Variants in CA10 observed in about 807,000 individuals in gnomAD.
CA10 encodes carbonic anhydrase 10 (inactive).
In CA10, 14 loss-of-function variants were observed where a neutral mutation model predicts 44.2. That is an observed-to-expected ratio of 0.32 (90% confidence interval 0.21 to 0.50). The LOEUF (loss-of-function observed/expected upper bound fraction) is 0.50. Among genes scored for constraint, CA10 ranks in the 20% least tolerant of loss-of-function variants. The pLI, the probability that CA10 is intolerant of heterozygous loss-of-function variation, is 0.99. For missense variants in CA10, 350 were observed against 409.7 expected, an observed-to-expected ratio of 0.85 and a Z score of 1.26; for synonymous variants, 159 against 141.6, an observed-to-expected ratio of 1.12 and a Z score of -0.87.
chr17:52,145,017 G>A (rs960143483), intron 1 of CA10, among the ~76,000 whole-genome samples: 1 of 152,112 alleles, frequency 6.6e-6, no homozygotes, highest in Non-Finnish European at 1.5e-5. Context: ...AGTAAGATAA[G>A]GTATAACGTA....
intron 1 of CA10, among the ~76,000 whole-genome samples, chr17:52,113,337 T>C (rs1988826075): frequency 6.6e-6 from 1 of 152,192 alleles, no homozygotes; most frequent in Non-Finnish European, 1.5e-5. Flanking sequence ...TCTCTCTCTT[T>C]CACTTCCTTT....
At chr17:51,883,154 A>G (rs182282970) in intron 3 of CA10, among the ~76,000 whole-genome samples, 1 of 152,272 alleles carries the variant, frequency 6.6e-6, no homozygotes, top group East Asian at 1.9e-4. Flanking sequence ...CTGTGGTTTG[A>G]TTTTATTTTG....
chr17:51,671,038 C>T (rs1477724534), intron 4 of CA10, among the ~76,000 whole-genome samples: 6 of 152,140 alleles, frequency 3.9e-5, no homozygotes, highest in Admixed American at 3.9e-4. Flanking sequence ...CCCTTGCACT[C>T]CTATAGTTAG....
Position 51,861,100 on chromosome 17 carries a change from G to A in CA10, c.279+69890C>T, listed in dbSNP as rs148309650. On this transcript the variant is annotated intron_variant, in intron 3 of 8. Transcript: ENST00000451037. ...CTGGGACTAAGGACTAGCAACCTGC[G>A]TTTCTGCTTTGCCAGCTGATCCTTG... 3.4e-3 allele frequency among the ~76,000 whole-genome samples: 521 copies of A among 152,252 alleles called. 3 individuals are homozygous for A. Among genetic ancestry groups the A allele is most frequent in the Middle Eastern group, 0.01 (3 of 294 alleles).
intron 2 of CA10, among the ~76,000 whole-genome samples, chr17:52,069,973 G>C (rs1987637303): frequency 6.6e-6 from 1 of 152,170 alleles, no homozygotes; most frequent in Non-Finnish European, 1.5e-5. Flanking sequence ...TTATAGTCAA[G>C]TAATAAGAGG....
At chr17:51,727,052 C>T (rs11079979) in intron 4 of CA10, among the ~76,000 whole-genome samples, 204 of 152,222 alleles carry the variant, frequency 1.3e-3, no homozygotes, top group African/African-American at 4.6e-3. Flanking sequence ...TCAATGCCAC[C>T]CACTCTTCAG....
chr17:51,715,058 T>TC lies in CA10; in HGVS notation c.465+32574dup, dbSNP rs201011396. Among the ~76,000 whole-genome samples the TC allele has an allele frequency of 7.7e-3, 1,170 of 152,300 alleles. 20 individuals are homozygous for TC. Among genetic ancestry groups the TC allele is most frequent in the African/African-American group, 0.027 (1,110 of 41,560 alleles). On this transcript the variant is annotated intron_variant, in intron 4 of 8. Transcript: ENST00000451037. The stretch of plus-strand genomic sequence containing the variant: ...AATAAGGGAGGATGATGAGTTCATG[T>TC]CTTTGTAGGGACACGGATGAAACTG...
rs141825753 is a variant in CA10 at position 51,743,608 on chromosome 17, C to T, written c.465+4025G>A. 4.4e-3 allele frequency among the ~76,000 whole-genome samples: 677 copies of T among 152,358 alleles called. 8 individuals carry two copies. Among genetic ancestry groups the T allele is most frequent in the African/African-American group, 0.016 (646 of 41,590 alleles). ...TGATTACCATCAATTACAATAACCT[C>T]ACTAGACAAGACTGCAATTAATCTA... On this transcript the variant is annotated intron_variant, in intron 4 of 8. Coordinates refer to ENST00000451037, the MANE Select transcript of CA10 (RefSeq NM_020178.5).
At chr17:52,107,678 G>A (rs1988690433) in intron 1 of CA10, among the ~76,000 whole-genome samples, 2 of 152,296 alleles carry the variant, frequency 1.3e-5, no homozygotes, top group South Asian at 2.1e-4. Flanking sequence ...CTGGCTCTGA[G>A]TCCCTAAGCA....
chr17:51,710,144 G>A (rs749139591), intron 4 of CA10, among the ~76,000 whole-genome samples: 2 of 152,202 alleles, frequency 1.3e-5, no homozygotes, highest in Non-Finnish European at 2.9e-5. Flanking sequence ...AAGAACTGGA[G>A]GGCGGTTTGA....
At chr17:52,133,260 G>A (rs111504639) in intron 1 of CA10, among the ~76,000 whole-genome samples, 1,924 of 152,244 alleles carry the variant, frequency 0.013, 21 homozygotes, top group African/African-American at 0.032. Flanking sequence ...AGCCTCCAGC[G>A]CCCCAGCGGT....
intron 1 of CA10, among the ~76,000 whole-genome samples, chr17:52,104,692 CACA>C (rs548270326): frequency 2.0e-5 from 3 of 152,168 alleles, no homozygotes; most frequent in Non-Finnish European, 4.4e-5. Flanking sequence ...GACTCCACGG[CACA>C]ACAAGTGAAG....
chr17:51,995,316 T>G (rs1985194436), intron 2 of CA10, among the ~76,000 whole-genome samples: 2 of 152,100 alleles, frequency 1.3e-5, no homozygotes, highest in South Asian at 4.1e-4. Context: ...TTAAAATTGT[T>G]AATTGCTTTT....
intron 2 of CA10, among the ~76,000 whole-genome samples, chr17:51,962,542 CAT>C (rs1476930702): frequency 1.3e-5 from 2 of 152,312 alleles, no homozygotes; most frequent in African/African-American, 4.8e-5. Flanking sequence ...TATACCCAGG[CAT>C]GTTGGCCACA....
chr17:51,964,749 G>C (rs1984018633), intron 2 of CA10, among the ~76,000 whole-genome samples: 1 of 151,812 alleles, frequency 6.6e-6, no homozygotes, highest in South Asian at 2.1e-4. Context: ...CTGTGATGCA[G>C]CAAAAACAGT....
At chr17:51,887,823 C>CAG (rs1980676857) in intron 3 of CA10, among the ~76,000 whole-genome samples, 1 of 149,610 alleles carries the variant, frequency 6.7e-6, no homozygotes, top group African/African-American at 2.5e-5. Context: ...AACCCCTAAA[C>CAG]CCCTTCTCTA....
At chr17:52,038,282 A>G (rs1417176010) in intron 2 of CA10, among the ~76,000 whole-genome samples, 1 of 152,184 alleles carries the variant, frequency 6.6e-6, no homozygotes, top group Non-Finnish European at 1.5e-5. Context: ...CCAGGTATCT[A>G]CTAGGCACAC....
intron 1 of CA10, among the ~76,000 whole-genome samples, chr17:52,155,600 G>A (rs71381367): frequency 0.019 from 2,926 of 152,260 alleles, 37 homozygotes; most frequent in Non-Finnish European, 0.03. Flanking sequence ...CCCTGACCAT[G>A]GAGAAGAAAT....
At chr17:51,772,037 C>G (rs973349724) in intron 3 of CA10, among the ~76,000 whole-genome samples, 1 of 152,144 alleles carries the variant, frequency 6.6e-6, no homozygotes, top group Non-Finnish European at 1.5e-5. Context: ...GTGGAGTGCT[C>G]TGCATTGCTG....
Sources: gnomAD v4.1 joint callset for allele counts (sites outside exome capture counted in the v4.1 genomes callset) on GRCh38, gnomAD v4.1.1 for gene constraint, MANE v1.5 for transcripts, NCBI Gene and HGNC (gene_info 2026-07-23, HGNC 2026-07-21) for gene names.